The following LATS1 variants were observed in gnomAD, a reference collection of about 807,000 sequenced individuals.
LATS1 encodes serine/threonine-protein kinase LATS1.
LATS1 carries 25 observed loss-of-function variants against 106.6 expected under a neutral mutation model. That is an observed-to-expected ratio of 0.23 (90% CI 0.17 to 0.33). LATS1 has a LOEUF of 0.33. LATS1 is among the 10% of genes least tolerant of loss of function. LATS1 has a pLI of 1.00. For missense variants in LATS1, 1,040 were observed against 1,382.6 expected (o/e 0.75, Z 3.93); for synonymous variants, 465 against 455.6 (o/e 1.02, Z -0.26).
chr6:149,679,526 TG>T (rs1181519237), intron 5 of LATS1, among the ~76,000 whole-genome samples: 1 of 140,464 alleles, frequency 7.1e-6, no homozygotes, highest in African/African-American at 2.7e-5. Context: ...CACTCCAGCC[TG>T]GGCGACAGAG....
At position 149,683,178 on chromosome 6, in the gene LATS1, T is replaced by C; in HGVS notation, c.1911A>G (p.Gln637=). ...RESRIQSYSP[Q]AFKFFMEQHV... ...GTTGCTCCATAAAGAATTTAAATGCTTGAGGAGAATAACTTTGAATACGAG... is the reference window on the plus strand; with the variant it reads ...GTTGCTCCATAAAGAATTTAAATGCCTGAGGAGAATAACTTTGAATACGAG... The change falls in exon 4 of 8, where the codon CAA becomes CAG. Residue 637 remains glutamine, a synonymous_variant. Coordinates refer to ENST00000543571, the MANE Select transcript of LATS1 (RefSeq NM_004690.4). 2.5e-6 allele frequency: 4 copies of C among 1,614,026 alleles called. No individual in the cohort carries two copies. The highest frequency in any genetic ancestry group is 1.1e-5 in the South Asian group (1 of 91,074).
chr6:149,699,302 T>C (rs890623204), intron 2 of LATS1, among the ~76,000 whole-genome samples: 14 of 152,152 alleles, frequency 9.2e-5, no homozygotes, highest in Non-Finnish European at 1.8e-4. Context: ...ACCATACTTC[T>C]GCACTGTCTG....
At chr6:149,677,026 T>C (rs989039010) in intron 5 of LATS1, among the ~76,000 whole-genome samples, 1 of 152,248 alleles carries the variant, frequency 6.6e-6, no homozygotes, top group African/African-American at 2.4e-5. Context: ...AGTTTGTTAT[T>C]TAGCCCACTC....
chr6:149,706,619 T>C (rs930019940), intron 1 of LATS1, among the ~76,000 whole-genome samples: 4 of 152,232 alleles, frequency 2.6e-5, no homozygotes, highest in African/African-American at 9.6e-5. Flanking sequence ...GATTAAGTTA[T>C]TGTCATGGAT....
chr6:149,707,395 C>T (rs1382056523), intron 1 of LATS1, among the ~76,000 whole-genome samples: 1 of 152,108 alleles, frequency 6.6e-6, no homozygotes, highest in African/African-American at 2.4e-5. Context: ...AATCCCAATA[C>T]TTTCAGAGGC....
At position 149,701,802 on chromosome 6, in the gene LATS1, A is replaced by G. The variant is rs1167629815; in HGVS notation, c.325T>C (p.Leu109=). The change falls in exon 2 of 8, where the codon TTG becomes CTG. Residue 109 remains leucine, a synonymous_variant. Coordinates refer to ENST00000543571, the MANE Select transcript of LATS1 (RefSeq NM_004690.4). ...ACCTCATCAAATCCAGCAGCTTGCA[A>G]GTCTTGAAGCATTTGTGGATTAACT... ...SEVNPQMLQD[L]QAAGFDEDMV... 1 of 1,612,344 alleles carries G rather than the reference A, an allele frequency of 6.2e-7. No homozygotes were observed. Among genetic ancestry groups the G allele is most frequent in the Admixed American group, 1.7e-5 (1 of 59,816 alleles).
In LATS1 at chr6:149,706,181, C is replaced by T. The variant is rs571598642; in HGVS notation, c.-140-3915G>A. 2.9e-3 allele frequency among the ~76,000 whole-genome samples: 179 copies of T among 60,804 alleles called. 1 individual carries two copies. The highest frequency in any genetic ancestry group is 0.011 in the African/African-American group (169 of 14,840). 39.9% of individuals were successfully genotyped at this position (60,804 alleles called of 152,430 possible). On this transcript the variant is annotated intron_variant, in intron 1 of 7. Transcript: ENST00000543571. Reference sequence around the variant, plus strand: ...CTGGGCAACAAGAGCGAAACCCGGTCGCAAAAAAAAAAAAAAAAAAAAAAA... The same window carrying T: ...CTGGGCAACAAGAGCGAAACCCGGTTGCAAAAAAAAAAAAAAAAAAAAAAA...
intron 3 of LATS1, among the ~76,000 whole-genome samples, chr6:149,692,856 T>C (rs9379345): frequency 2.0e-5 from 3 of 151,960 alleles, no homozygotes; most frequent in African/African-American, 7.2e-5. Flanking sequence ...GTATTTTTAG[T>C]AGAGACGAGG....
At chr6:149,702,519 A>G (rs1783522138) in intron 1 of LATS1, among the ~76,000 whole-genome samples, 1 of 152,130 alleles carries the variant, frequency 6.6e-6, no homozygotes, top group African/African-American at 2.4e-5. Flanking sequence ...AAGCATACCA[A>G]GCATTTATAC....
intron 3 of LATS1, among the ~76,000 whole-genome samples, chr6:149,694,493 TG>T (rs1782950146): frequency 6.6e-6 from 1 of 152,198 alleles, no homozygotes; most frequent in South Asian, 2.1e-4. Flanking sequence ...TATTTTAATG[TG>T]GCTAGTAAAA....
Position 149,676,719 on chromosome 6 carries a change from T to A in LATS1, c.2612A>T (p.Asp871Val). 6.2e-6 allele frequency: 10 copies of A among 1,613,046 alleles called. No homozygotes were observed. Among genetic ancestry groups the A allele is most frequent in the Non-Finnish European group, 8.5e-6 (10 of 1,179,222 alleles). ...YYQSGDHPRQ[D>V]SMDFSNEWGD... ...CCATTCATTACTGAAATCCATGCTA[T>A]CTTGCCGTGGATGGTCACCTGCACA... is the stretch of plus-strand genomic sequence containing the variant. Residue 871 changes from aspartate to valine, a missense_variant, in exon 6 of 8, where the codon GAT (aspartate) becomes GTT (valine). This residue lies in a region of LATS1 where 63 missense variants were observed against 64.3 expected (regional missense o/e 0.98). Transcript: ENST00000543571.
Position 149,698,042 on chromosome 6 carries a change from TA to T in LATS1, c.349-2822del, listed in dbSNP as rs1783199601. Among the ~76,000 whole-genome samples, 5 of 152,274 alleles carry T rather than the reference TA, an allele frequency of 3.3e-5. No homozygotes were observed. The South Asian group carries it at 1.0e-3, about 32-fold the overall frequency. ...GGTGTGAGCCACCACACCCGGCCCATATTCTTGTTAAATGCACTAGAATTTC... is the reference window on the plus strand; with the variant it reads ...GGTGTGAGCCACCACACCCGGCCCATTTCTTGTTAAATGCACTAGAATTTC... On this transcript the variant is annotated intron_variant, in intron 2 of 7. Transcript: ENST00000543571.
At chr6:149,712,236 T>C (rs1313641917) in intron 1 of LATS1, among the ~76,000 whole-genome samples, 1 of 152,128 alleles carries the variant, frequency 6.6e-6, no homozygotes, top group East Asian at 1.9e-4. Context: ...TTTCGCTCGT[T>C]GCCCAGGCTG....
At chr6:149,664,384 T>G (rs1206182258) in intron 7 of LATS1, among the ~76,000 whole-genome samples, 1 of 152,006 alleles carries the variant, frequency 6.6e-6, no homozygotes, top group Admixed American at 6.6e-5. Flanking sequence ...ACAGAGAATT[T>G]CCCCAAATCG....
At chr6:149,685,825 A>G (rs1782346443) in intron 3 of LATS1, among the ~76,000 whole-genome samples, 1 of 152,190 alleles carries the variant, frequency 6.6e-6, no homozygotes, top group Admixed American at 6.5e-5. Context: ...TACAATACCA[A>G]AAAAAGAGAA....
chr6:149,686,416 T>G (rs1782376921), intron 3 of LATS1, among the ~76,000 whole-genome samples: 1 of 152,130 alleles, frequency 6.6e-6, no homozygotes, highest in Admixed American at 6.5e-5. Context: ...CAGTCACCCC[T>G]GTTGTTCTGC....
intron 2 of LATS1, among the ~76,000 whole-genome samples, chr6:149,699,077 A>G (rs1386436695): frequency 6.6e-6 from 1 of 150,874 alleles, no homozygotes. Flanking sequence ...AAAAGGCACT[A>G]TCTTGAACTT....
intron 7 of LATS1, among the ~76,000 whole-genome samples, chr6:149,668,559 T>G (rs1346423917): frequency 6.6e-6 from 1 of 151,226 alleles, no homozygotes; most frequent in Non-Finnish European, 1.5e-5. Flanking sequence ...CTCTTGTGTC[T>G]GGAGTAGCTG....
At chr6:149,681,113 A>C (rs1275303335) in intron 4 of LATS1, among the ~76,000 whole-genome samples, 1 of 152,178 alleles carries the variant, frequency 6.6e-6, no homozygotes, top group East Asian at 1.9e-4. Context: ...CGAAAAGAAC[A>C]ACCTGGTTGT....
Sources: gnomAD v4.1 joint callset for allele counts (sites outside exome capture counted in the v4.1 genomes callset) on GRCh38, gnomAD v4.1.1 for gene constraint, gnomAD v4.1.1 regional missense constraint, MANE v1.5 for transcripts, NCBI Gene and HGNC (gene_info 2026-07-23, HGNC 2026-07-21) for gene names.